ZNF436: variants seen among roughly 807,000 people sequenced by gnomAD.
ZNF436 encodes the protein zinc finger protein 436, also known as DNA-binding protein.
ZNF436 carries 22 observed loss-of-function variants against 41.9 expected under a neutral mutation model. The ratio of observed to expected loss-of-function variants is 0.53; its 90% CI spans 0.38 to 0.75. The LOEUF (loss-of-function observed/expected upper bound fraction) is 0.75. ZNF436 is among the 30% of genes least tolerant of loss of function. The pLI is 0.00. For missense variants in ZNF436, 506 were observed against 587.3 expected (o/e 0.86, Z 1.43); for synonymous variants, 217 against 197.8 (o/e 1.10, Z -0.82).
At chr1:23,365,470 T>C (rs1188152974) in intron 3 of ZNF436, among the ~76,000 whole-genome samples, 1 of 151,852 alleles carries the variant, frequency 6.6e-6, no homozygotes, top group Non-Finnish European at 1.5e-5. Context: ...TCCTAGCACT[T>C]TGGGAGGCCG....
rs569971637 is a variant in ZNF436, at chr1:23,366,766, T to C, written c.160+276A>G. Among the ~76,000 whole-genome samples, 24 of 152,340 alleles carry C rather than the reference T, an allele frequency of 1.6e-4. No individual in the cohort carries two copies. The South Asian group carries it at 4.3e-3, about 28-fold the overall frequency. ...GGCAAGCACTATTATGCCAGACCTG[T>C]TTGGTCAGTGATCTGTACAAACAGG... On this transcript the variant is annotated intron_variant, in intron 3 of 3. Transcript: ENST00000314011.
rs909408460 is a variant in ZNF436 at position 23,360,463 on chromosome 1, T to C, written c.*1506A>G. The C allele has an allele frequency of 1.3e-5, 2 of 152,208 alleles. No homozygotes were observed. Among genetic ancestry groups the C allele is most frequent in the Non-Finnish European group, 2.9e-5 (2 of 68,044 alleles). 9.4% of individuals were successfully genotyped at this position (152,208 alleles called of 1,614,324 possible). A position where few individuals can be genotyped will look rare whatever the true frequency, so the allele number is the denominator to read the frequency against. On this transcript the variant is annotated 3_prime_UTR_variant, in exon 4 of 4. Coordinates refer to ENST00000314011, the MANE Select transcript of ZNF436 (RefSeq NM_001077195.2). ...GCACCAATTCCCTTCCACCCCAACA[T>C]GCTTGGATAGCATCAACACTTGAGA...
Position 23,367,201 on chromosome 1 carries a change from T to C in ZNF436, c.34-33A>G, listed in dbSNP as rs761200135. 7.8e-6 allele frequency: 12 copies of C among 1,547,362 alleles called. No homozygotes were observed. The South Asian group carries it at 1.1e-4, about 14-fold the overall frequency. ...CACACGATACTTCCCTACTATTCTG[T>C]ATTTAGGACTTCTTGAAATTAGAAA... On this transcript the variant is annotated intron_variant, in intron 2 of 3. Transcript: ENST00000314011.
rs753844737 is a variant in ZNF436 at position 23,369,567 on chromosome 1, C to T, written c.-262G>A. 3.8e-6 allele frequency: 2 copies of T among 533,078 alleles called. No individual in the cohort carries two copies. Among genetic ancestry groups the T allele is most frequent in the East Asian group, 1.1e-4 (2 of 18,278 alleles). 33.0% of individuals were successfully genotyped at this position (533,078 alleles called of 1,614,324 possible). ...CGAAGCCCAGATATCGTAGGCTGAT[C>T]CTAAAGACTCAGATTCCCGAGGCCT... On this transcript the variant is annotated 5_prime_UTR_variant, in exon 1 of 4. Transcript: ENST00000314011.
Position 23,369,591 on chromosome 1 carries a change from C to T in ZNF436, c.-286G>A, listed in dbSNP as rs981079828. On this transcript the variant is annotated 5_prime_UTR_variant, in exon 1 of 4. Transcript: ENST00000314011. ...TCCTAAAGACTCAGATTCCCGAGGC[C>T]TCAGACTCGCAGGCAGCTCAGAAAC... The T allele has an allele frequency of 1.9e-6, 1 of 531,608 alleles. No homozygotes were observed. The allele number at this position is 531,608 out of a possible 1,614,324, so 32.9% of individuals were successfully genotyped here.
In ZNF436 at chr1:23,367,156, A is replaced by C; in HGVS notation, c.46T>G (p.Phe16Val). The change falls in exon 3 of 4, where the codon TTT (phenylalanine) becomes GTT (valine). Residue 16 changes from phenylalanine to valine, a missense_variant. Transcript: ENST00000314011. ...GTGAGATACATGGCCATATCTTCAA[A>C]CGTCACAGGTGCCTGAAATCACACG... ...LMAGSQAPVT[F>V]EDMAMYLTRE... is the part of the protein sequence containing the mutation. 6.2e-7 allele frequency: 1 copy of C among 1,610,432 alleles called. No homozygotes were observed. Among genetic ancestry groups the C allele is most frequent in the Non-Finnish European group, 8.5e-7 (1 of 1,178,426 alleles).
chr1:23,367,167 G>A lies in ZNF436; in HGVS notation c.35C>T (p.Ala12Val), dbSNP rs374473870. The A allele has an allele frequency of 1.4e-5, 22 of 1,605,954 alleles. No individual in the cohort carries two copies. The African/African-American group carries it at 2.7e-4, about 20-fold the overall frequency. Residue 12 changes from alanine to valine, a missense_variant and splice_region_variant, in exon 3 of 4, where the codon GCA becomes GTA. By Grantham distance (64) the Ala-to-Val change is moderately conservative (BLOSUM62 0). Transcript: ENST00000314011. The part of the protein sequence containing the change: ...AATLLMAGSQ[A>V]PVTFEDMAMY... ...GGCCATATCTTCAAACGTCACAGGT[G>A]CCTGAAATCACACGATACTTCCCTA...
chr1:23,368,942 A>G (rs920385585), intron 1 of ZNF436: 1 of 156,270 alleles, frequency 6.4e-6, no homozygotes, highest in African/African-American at 2.5e-5. Context: ...AACTCCCGAG[A>G]GGCCCCGCGC....
At chr1:23,369,263 G>A (rs768563579) in intron 1 of ZNF436, 103 bp downstream of exon 1, 1 of 458,376 alleles carries the variant, frequency 2.2e-6, no homozygotes, top group Middle Eastern at 6.0e-4. Flanking sequence ...AGGGACCCTG[G>A]GCGTCTGAGG....
At position 23,361,902 on chromosome 1, in the gene ZNF436, G is replaced by A. The variant is rs974155028; in HGVS notation, c.*67C>T. On this transcript the variant is annotated 3_prime_UTR_variant, in exon 4 of 4. Coordinates refer to ENST00000314011, the MANE Select transcript of ZNF436 (RefSeq NM_001077195.2). ...TGATAAAAGCAGCTCAGTCTTGAGG[G>A]CGTTCATTGATATCAAATAAAATTG... 7 of 1,474,200 alleles carry A rather than the reference G, an allele frequency of 4.7e-6. No individual in the cohort carries two copies. The African/African-American group carries it at 8.4e-5, about 18-fold the overall frequency. 91.3% of individuals were successfully genotyped at this position (1,474,200 alleles called of 1,614,324 possible).
In ZNF436 at chr1:23,359,753, C is replaced by T. The variant is rs13523; in HGVS notation, c.*2216G>A. On this transcript the variant is annotated 3_prime_UTR_variant, in exon 4 of 4. Coordinates refer to ENST00000314011, the MANE Select transcript of ZNF436 (RefSeq NM_001077195.2). ...GAGACAGCTGGTGTGGCCCTTGTCC[C>T]TTAAGTTTCCCAGCTAGATTGTTCA... 127,763 of 152,624 alleles carry T rather than the reference C, an allele frequency of 0.84. 54,685 individuals carry two copies. The highest frequency in any genetic ancestry group is 0.92 in the Non-Finnish European group (62,461 of 68,048). The allele number at this position is 152,624 out of a possible 1,614,324, so 9.5% of individuals were successfully genotyped here.
chr1:23,367,074 A>C lies in ZNF436; in HGVS notation c.128T>G (p.Met43Arg). Residue 43 changes from methionine (M) to arginine (R), a missense_variant, in exon 3 of 4, where the codon ATG becomes AGG. Transcript: ENST00000314011. ...AAQRDLYRDV[M>R]QENYGNVVSL... Reference sequence around the variant, plus strand: ...GACAACATTTCCATAATTCTCCTGCATAACATCCCGGTAAAGGTCCCTCTG... The same window carrying C: ...GACAACATTTCCATAATTCTCCTGCCTAACATCCCGGTAAAGGTCCCTCTG... The C allele has an allele frequency of 3.7e-6, 6 of 1,614,022 alleles. No individual in the cohort carries two copies. Among genetic ancestry groups the C allele is most frequent in the Non-Finnish European group, 5.1e-6 (6 of 1,179,950 alleles).
rs747241098 is a variant in ZNF436 at position 23,362,539 on chromosome 1, G to A, written c.843C>T (p.Asn281=). Residue 281 remains asparagine (N), a synonymous_variant, in exon 4 of 4, where the codon AAC becomes AAT. Coordinates refer to ENST00000314011, the MANE Select transcript of ZNF436 (RefSeq NM_001077195.2). ...TCTCACTGAAGCCTCGGCCACATTC[G>A]TTACATTCATAAGGTTTCTCACCCG... ...THTGEKPYEC[N]ECGRGFSERS... is the part of the protein sequence containing the mutation. 1.6e-5 allele frequency: 25 copies of A among 1,612,682 alleles called. No homozygotes were observed. The highest frequency in any genetic ancestry group is 3.3e-5 in the Admixed American group (2 of 59,892).
At chr1:23,368,391 G>A in intron 1 of ZNF436, 1 of 212,018 alleles carries the variant, frequency 4.7e-6, no homozygotes, top group Non-Finnish European at 9.7e-6. Flanking sequence ...TCCGGCAGCT[G>A]CCTCAGCCAA....
At position 23,362,428 on chromosome 1, in the gene ZNF436, G is replaced by A. The variant is rs1308535956; in HGVS notation, c.954C>T (p.Asn318=). 2 of 1,613,752 alleles carry A rather than the reference G, an allele frequency of 1.2e-6. No individual in the cohort carries two copies. The highest frequency in any genetic ancestry group is 1.3e-5 in the African/African-American group (1 of 74,840). ...CTCTGCGATGACGCACAAGGTCGGA[G>A]TTCTGACTGAAATTCTTCCCACACT... ...CDECGKNFSQ[N]SDLVRHRRAH... is the part of the protein sequence containing the mutation. Residue 318 remains asparagine, a synonymous_variant, in exon 4 of 4, where the codon AAC becomes AAT. Transcript: ENST00000314011.
chr1:23,366,892 T>C lies in ZNF436; in HGVS notation c.160+150A>G, dbSNP rs618237. ...AGACAATATGACCTGGATGTTCCCA[T>C]ATTCAAAGATCTGCCTGAGGACTCA... On this transcript the variant is annotated intron_variant, in intron 3 of 3. Coordinates refer to ENST00000314011, the MANE Select transcript of ZNF436 (RefSeq NM_001077195.2). The C allele has an allele frequency of 0.21, 170,899 of 814,494 alleles. 19,226 individuals are homozygous for C. Among genetic ancestry groups the C allele is most frequent in the African/African-American group, 0.33 (18,912 of 57,200 alleles). 50.5% of individuals were successfully genotyped at this position (814,494 alleles called of 1,614,324 possible). A position where few individuals can be genotyped will look rare whatever the true frequency, so the allele number is the denominator to read the frequency against.
rs1029899180 is a variant in ZNF436 at position 23,359,517 on chromosome 1, C to T, written c.*2452G>A. ...AATACAAACACTAGGATAACTGTGA[C>T]CAATACCATAAGGAAAACTGTTCTA... On this transcript the variant is annotated 3_prime_UTR_variant, in exon 4 of 4. Coordinates refer to ENST00000314011, the MANE Select transcript of ZNF436 (RefSeq NM_001077195.2). 2.6e-5 allele frequency: 4 copies of T among 152,104 alleles called. No individual in the cohort carries two copies. Among genetic ancestry groups the T allele is most frequent in the African/African-American group, 7.2e-5 (3 of 41,388 alleles). 9.4% of individuals were successfully genotyped at this position (152,104 alleles called of 1,614,324 possible).
chr1:23,361,910 T>C lies in ZNF436; in HGVS notation c.*59A>G, dbSNP rs1229628606. ...GCAGCTCAGTCTTGAGGGCGTTCAT[T>C]GATATCAAATAAAATTGTATCTTCA... On this transcript the variant is annotated 3_prime_UTR_variant, in exon 4 of 4. Coordinates refer to ENST00000314011, the MANE Select transcript of ZNF436 (RefSeq NM_001077195.2). 2 of 1,508,206 alleles carry C rather than the reference T, an allele frequency of 1.3e-6. No individual in the cohort carries two copies. The highest frequency in any genetic ancestry group is 2.3e-5 in the East Asian group (1 of 44,170). 93.4% of individuals were successfully genotyped at this position (1,508,206 alleles called of 1,614,324 possible). A position where few individuals can be genotyped will look rare whatever the true frequency, so the allele number is the denominator to read the frequency against.
rs1638377972 is a variant in ZNF436 at position 23,367,168 on chromosome 1, C to T, written c.34G>A (p.Ala12Thr). 1 of 1,605,538 alleles carries T rather than the reference C, an allele frequency of 6.2e-7. No homozygotes were observed. The highest frequency in any genetic ancestry group is 8.5e-7 in the Non-Finnish European group (1 of 1,176,518). Residue 12 changes from alanine to threonine, a missense_variant and splice_region_variant, in exon 3 of 4, where the codon GCA (alanine) becomes ACA (threonine). Transcript: ENST00000314011. ...GCCATATCTTCAAACGTCACAGGTG[C>T]CTGAAATCACACGATACTTCCCTAC... ...AATLLMAGSQ[A>T]PVTFEDMAMY...
Sources: gnomAD v4.1 joint callset for allele counts (sites outside exome capture counted in the v4.1 genomes callset) on GRCh38, gnomAD v4.1.1 for gene constraint, MANE v1.5 for transcripts, NCBI Gene and HGNC (gene_info 2026-07-23, HGNC 2026-07-21) for gene names.